TAF12: variants seen among roughly 807,000 people sequenced by gnomAD.
TAF12 encodes the protein transcription initiation factor TFIID subunit 12.
TAF12 carries 3 observed loss-of-function variants against 20.8 expected under a neutral mutation model. The ratio of observed to expected loss-of-function variants is 0.14; its 90% CI spans 0.07 to 0.37. TAF12 has a LOEUF of 0.37. TAF12 is among the 10% of genes least tolerant of loss of function. TAF12 has a pLI of 1.00. For missense variants in TAF12, 131 were observed against 197.9 expected (o/e 0.66, Z 2.03); for synonymous variants, 69 against 70.2 (o/e 0.98, Z 0.09).
At chr1:28,607,532 C>A (rs572989251) in intron 4 of TAF12, among the ~76,000 whole-genome samples, 1 of 152,108 alleles carries the variant, frequency 6.6e-6, no homozygotes, top group Non-Finnish European at 1.5e-5. Context: ...ATTAGTCAGG[C>A]ATGGTGGCAG....
chr1:28,647,287 G>T (rs7368197), upstream of TAF12, among the ~76,000 whole-genome samples: 21,588 of 135,254 alleles, frequency 0.16, 1,795 homozygotes, highest in Non-Finnish European at 0.22. Context: ...GTCACATATT[G>T]TTTTTTTTTT....
At chr1:28,636,967 A>T (rs544696612) in intron 1 of TAF12, among the ~76,000 whole-genome samples, 7 of 151,686 alleles carry the variant, frequency 4.6e-5, no homozygotes, top group South Asian at 2.1e-4. Flanking sequence ...TGGAAAATAA[A>T]GCAAGACCCC....
chr1:28,642,615 T>C (rs1299908772), intron 1 of TAF12: 9 of 982,938 alleles, frequency 9.2e-6, no homozygotes, highest in African/African-American at 1.8e-5. Flanking sequence ...GTCCCGCTTC[T>C]GCCTCTTAGG....
chr1:28,618,522 C>T (rs1667111736), intron 2 of TAF12, among the ~76,000 whole-genome samples: 1 of 150,618 alleles, frequency 6.6e-6, no homozygotes, highest in Admixed American at 6.6e-5. Context: ...CACGTGCCAT[C>T]ATACCTGGCT....
intron 1 of TAF12, among the ~76,000 whole-genome samples, chr1:28,629,156 A>G (rs113676829): frequency 8.5e-5 from 13 of 152,164 alleles, no homozygotes; most frequent in African/African-American, 2.7e-4. Context: ...TAAGAAACTG[A>G]TAACAGAGGG....
upstream of TAF12, chr1:28,643,576 C>G (rs956948900): frequency 2.6e-5 from 4 of 152,104 alleles, no homozygotes; most frequent in Non-Finnish European, 5.9e-5. Flanking sequence ...TACTGTTTGC[C>G]GGGAATTGTG....
Position 28,603,420 on chromosome 1 carries a change from T to TA in TAF12, c.*118dup, listed in dbSNP as rs369201316. 2.8e-6 allele frequency: 3 copies of TA among 1,085,288 alleles called. No individual in the cohort carries two copies. Among genetic ancestry groups the TA allele is most frequent in the African/African-American group, 3.2e-5 (2 of 62,872 alleles). The allele number at this position is 1,085,288 out of a possible 1,614,324, so 67.2% of individuals were successfully genotyped here. A position where few individuals can be genotyped will look rare whatever the true frequency, so the allele number is the denominator to read the frequency against. ...ATTATAGATATTGCTGCACTGTTAA[T>TA]AAAAAATATATGCTTCTCTGTAAAG... On this transcript the variant is annotated 3_prime_UTR_variant, in exon 6 of 6. Transcript: ENST00000373824.
intron 1 of TAF12, among the ~76,000 whole-genome samples, chr1:28,635,947 G>A (rs528823662): frequency 6.6e-5 from 10 of 152,180 alleles, no homozygotes; most frequent in African/African-American, 2.4e-4. Context: ...GGAATCAAGA[G>A]GACTGGCCTG....
intron 1 of TAF12, among the ~76,000 whole-genome samples, chr1:28,633,627 A>C (rs1037288992): frequency 6.6e-6 from 1 of 151,086 alleles, no homozygotes; most frequent in Non-Finnish European, 1.5e-5. Context: ...AAATACAAAA[A>C]TTAGCCGGGT....
At chr1:28,605,509 C>T in intron 4 of TAF12, 49 bp from the exon 5 acceptor site, 2 of 1,579,040 alleles carry the variant, frequency 1.3e-6, no homozygotes, top group Non-Finnish European at 1.7e-6. Context: ...GAAGGCAGTA[C>T]CAGGAGTGCA....
chr1:28,612,172 G>A (rs1666881399), intron 4 of TAF12, among the ~76,000 whole-genome samples: 1 of 152,024 alleles, frequency 6.6e-6, no homozygotes, highest in African/African-American at 2.4e-5. Context: ...AGACTGGGCT[G>A]GGCATGGTGG....
chr1:28,613,924 T>C (rs961507714), intron 3 of TAF12, among the ~76,000 whole-genome samples: 24 of 152,112 alleles, frequency 1.6e-4, no homozygotes, highest in East Asian at 1.9e-4. Context: ...CCCAACAATA[T>C]TGCAAGAGCC....
intron 2 of TAF12, among the ~76,000 whole-genome samples, chr1:28,621,184 T>C (rs140917294): frequency 6.4e-4 from 97 of 152,320 alleles, no homozygotes; most frequent in African/African-American, 2.2e-3. Context: ...TAGGTTGATA[T>C]CCTGACTGCC....
chr1:28,634,319 G>A (rs975280119), intron 1 of TAF12, among the ~76,000 whole-genome samples: 26 of 151,306 alleles, frequency 1.7e-4, no homozygotes, highest in African/African-American at 6.1e-4. Context: ...AGGAGGCTGA[G>A]GCAGGACAAT....
chr1:28,611,288 C>T (rs954453586), intron 4 of TAF12, among the ~76,000 whole-genome samples: 3 of 151,952 alleles, frequency 2.0e-5, no homozygotes, highest in African/African-American at 4.8e-5. Context: ...CGGAGGGAGA[C>T]GCCTGCAGAA....
At chr1:28,611,043 G>C (rs902565086) in intron 4 of TAF12, among the ~76,000 whole-genome samples, 9 of 149,564 alleles carry the variant, frequency 6.0e-5, no homozygotes, top group African/African-American at 2.2e-4. Flanking sequence ...CTGCCTCAAA[G>C]AATAGAATTC....
chr1:28,617,329 T>G (rs1459710682), intron 3 of TAF12, among the ~76,000 whole-genome samples: 1 of 152,146 alleles, frequency 6.6e-6, no homozygotes, highest in East Asian at 1.9e-4. Flanking sequence ...CTTATTTTAT[T>G]TATTTATTGC....
intron 1 of TAF12, among the ~76,000 whole-genome samples, chr1:28,627,287 C>A (rs1229290670): frequency 3.3e-5 from 5 of 151,098 alleles, no homozygotes; most frequent in Non-Finnish European, 5.9e-5. Context: ...ACTCAGGAGG[C>A]TGACACACAA....
intron 3 of TAF12, among the ~76,000 whole-genome samples, chr1:28,617,746 T>C (rs112370711): frequency 0.015 from 2,210 of 152,070 alleles, 59 homozygotes; most frequent in African/African-American, 0.051. Context: ...CCACCACACC[T>C]GGCACTCAGC....
Sources: gnomAD v4.1 joint callset for allele counts (sites outside exome capture counted in the v4.1 genomes callset) on GRCh38, gnomAD v4.1.1 for gene constraint, MANE v1.5 for transcripts, NCBI Gene and HGNC (gene_info 2026-07-23, HGNC 2026-07-21) for gene names.